GAS7: variants seen among roughly 807,000 people sequenced by gnomAD.
GAS7 encodes growth arrest specific 7, also known as growth arrest-specific protein 7.
A neutral mutation model predicts 71.1 loss-of-function variants in GAS7; 28 were observed. The ratio of observed to expected loss-of-function variants is 0.39; its 90% CI spans 0.29 to 0.54. GAS7 has a LOEUF of 0.54. Ranked by LOEUF, GAS7 falls within the 20% of genes least tolerant of loss-of-function variation. GAS7 has a pLI of 0.62. For synonymous variants in GAS7, 258 were observed against 245.8 expected, an observed-to-expected ratio of 1.05 and a Z score of -0.46; for missense variants, 436 against 627.8, an observed-to-expected ratio of 0.69 and a Z score of 3.27.
intron 1 of GAS7, among the ~76,000 whole-genome samples, chr17:10,146,984 T>C (rs2074126787): frequency 7.8e-6 from 1 of 128,402 alleles, no homozygotes; most frequent in Non-Finnish European, 1.7e-5. Flanking sequence ...TCTGTCTTCC[T>C]GTAGTTAGAC....
chr17:9,963,320 TGA>T (rs916017224), intron 4 of GAS7, among the ~76,000 whole-genome samples: 1 of 152,132 alleles, frequency 6.6e-6, no homozygotes, highest in African/African-American at 2.4e-5. Context: ...AGTCTTCAGG[TGA>T]TTCTGCTTGG....
intron 5 of GAS7, among the ~76,000 whole-genome samples, chr17:9,950,737 T>C (rs977181698): frequency 6.6e-5 from 10 of 151,742 alleles, no homozygotes; most frequent in African/African-American, 2.4e-4. Context: ...GCGCCTGTAA[T>C]CCCAGCTACT....
chr17:9,972,813 T>C (rs2070023084), intron 3 of GAS7, among the ~76,000 whole-genome samples: 3 of 152,172 alleles, frequency 2.0e-5, no homozygotes, highest in Non-Finnish European at 4.4e-5. Context: ...GAAACTGCCC[T>C]CTTAAATAAT....
chr17:9,929,667 CG>C (rs368066258), intron 9 of GAS7, among the ~76,000 whole-genome samples: 1,731 of 151,986 alleles, frequency 0.011, 29 homozygotes, highest in African/African-American at 0.039. Flanking sequence ...TTAGTAGAGA[CG>C]GGGTTTCACC....
At chr17:9,999,120 G>A (rs1317597127) in intron 2 of GAS7, among the ~76,000 whole-genome samples, 1 of 152,156 alleles carries the variant, frequency 6.6e-6, no homozygotes. Flanking sequence ...TCAACTTTTT[G>A]TTGCTGTTTT....
At chr17:10,183,329 G>C (rs898349516) in intron 1 of GAS7, among the ~76,000 whole-genome samples, 102 of 152,104 alleles carry the variant, frequency 6.7e-4, no homozygotes, top group African/African-American at 2.4e-3. Context: ...TACGACCTCA[G>C]AGAGGCCCTT....
intron 1 of GAS7, among the ~76,000 whole-genome samples, chr17:10,124,195 G>A (rs893013445): frequency 5.9e-5 from 9 of 152,190 alleles, no homozygotes; most frequent in South Asian, 2.1e-4. Flanking sequence ...CCCTCGTGGC[G>A]GGGCCTTGCA....
At chr17:9,978,755 T>C (rs2070300735) in intron 3 of GAS7, among the ~76,000 whole-genome samples, 2 of 152,150 alleles carry the variant, frequency 1.3e-5, no homozygotes, top group African/African-American at 2.4e-5. Flanking sequence ...AAAATGTATG[T>C]CTCAGAATCA....
intron 1 of GAS7, among the ~76,000 whole-genome samples, chr17:10,022,648 G>A (rs1002098724): frequency 4.6e-5 from 7 of 152,168 alleles, no homozygotes; most frequent in Non-Finnish European, 7.3e-5. Flanking sequence ...CGACGGAGAG[G>A]GTAACAATAC....
intron 1 of GAS7, chr17:10,036,299 C>T (rs1396638126): frequency 1.3e-6 from 1 of 792,540 alleles, no homozygotes; most frequent in East Asian, 2.5e-5. Context: ...GTCCCCAGAC[C>T]ACCACAGCTC....
intron 1 of GAS7, among the ~76,000 whole-genome samples, chr17:10,070,341 C>CTTTTTTTTTTTTT (rs71365713): frequency 9.4e-6 from 1 of 106,132 alleles, no homozygotes. Flanking sequence ...TCTCTCTCTT[C>CTTTTTTTTTTTTT]TTTTTTTTTT....
chr17:10,184,044 ACAAAC>A (rs2074435435), intron 1 of GAS7, among the ~76,000 whole-genome samples: 1 of 152,170 alleles, frequency 6.6e-6, no homozygotes, highest in Non-Finnish European at 1.5e-5. Flanking sequence ...ATTCCAGTTC[ACAAAC>A]CAAACCACAC....
intron 1 of GAS7, among the ~76,000 whole-genome samples, chr17:10,181,803 T>C (rs911885868): frequency 1.3e-5 from 2 of 152,200 alleles, no homozygotes; most frequent in East Asian, 1.9e-4. Flanking sequence ...AAAGACCCCG[T>C]TGATCAAACA....
intron 1 of GAS7, among the ~76,000 whole-genome samples, chr17:10,180,698 T>C (rs1227962869): frequency 1.3e-5 from 2 of 152,184 alleles, no homozygotes; most frequent in Non-Finnish European, 2.9e-5. Context: ...ATCAATCTTG[T>C]TACCTATCCT....
intron 1 of GAS7, among the ~76,000 whole-genome samples, chr17:10,093,425 C>T (rs2073606142): frequency 6.6e-6 from 1 of 152,004 alleles, no homozygotes; most frequent in South Asian, 2.1e-4. Flanking sequence ...CAAAAATTAG[C>T]TGGGCATGGT....
rs1197910063 is a variant in GAS7 at position 9,915,044 on chromosome 17, A to C, written c.*2184T>G. 1 of 231,546 alleles carries C rather than the reference A, an allele frequency of 4.3e-6. No homozygotes were observed. The highest frequency in any genetic ancestry group is 8.5e-6 in the Non-Finnish European group (1 of 116,984). 14.3% of individuals were successfully genotyped at this position (231,546 alleles called of 1,614,324 possible). A position where few individuals can be genotyped will look rare whatever the true frequency, so the allele number is the denominator to read the frequency against. On this transcript the variant is annotated 3_prime_UTR_variant, in exon 14 of 14. Coordinates refer to ENST00000432992, the MANE Select transcript of GAS7 (RefSeq NM_201433.2). Reference sequence around the variant, plus strand: ...TTAACCTGCTTGATGAATGAATAACAGAGGGAAGAAAGAAAGGAAGTACGT... The same window carrying C: ...TTAACCTGCTTGATGAATGAATAACCGAGGGAAGAAAGAAAGGAAGTACGT...
At chr17:9,941,451 T>C (rs142332831) in intron 7 of GAS7, among the ~76,000 whole-genome samples, 3 of 152,304 alleles carry the variant, frequency 2.0e-5, no homozygotes, top group East Asian at 1.9e-4. Flanking sequence ...CCTCTACCTC[T>C]GCCCCACTTC....
chr17:10,095,621 A>T (rs537841038), intron 1 of GAS7, among the ~76,000 whole-genome samples: 1 of 152,118 alleles, frequency 6.6e-6, no homozygotes, highest in East Asian at 1.9e-4. Context: ...GGAGATCGAG[A>T]CCATCCTGGC....
intron 4 of GAS7, among the ~76,000 whole-genome samples, chr17:9,964,329 C>G (rs1186168153): frequency 6.6e-6 from 1 of 152,164 alleles, no homozygotes; most frequent in Non-Finnish European, 1.5e-5. Context: ...TGCAAATAAT[C>G]TGGGTCCCAT....
Sources: gnomAD v4.1 joint callset for allele counts (sites outside exome capture counted in the v4.1 genomes callset) on GRCh38, gnomAD v4.1.1 for gene constraint, MANE v1.5 for transcripts, NCBI Gene and HGNC (gene_info 2026-07-23, HGNC 2026-07-21) for gene names.